Variants in ATOSA observed in about 807,000 individuals in gnomAD.
ATOSA encodes the protein atos homolog protein A.
chr15:52,607,195 G>T, the ATOSA span, among the ~76,000 whole-genome samples: 4 of 152,082 alleles, frequency 2.6e-5, no homozygotes, highest in Non-Finnish European at 4.4e-5. Flanking sequence ...GCCAGGACTA[G>T]AACTCAGGTG....
At chr15:52,606,592 G>T in the ATOSA span, among the ~76,000 whole-genome samples, 1 of 152,032 alleles carries the variant, frequency 6.6e-6, no homozygotes, top group Non-Finnish European at 1.5e-5. Flanking sequence ...ACAGGTACAT[G>T]AAAAAAATGA....
chr15:52,584,664 TAG>T, the ATOSA span: 10 of 1,213,632 alleles, frequency 8.2e-6, no homozygotes, highest in Admixed American at 4.8e-5. Flanking sequence ...CTGGTCTAGT[TAG>T]AGTCACAGTT....
chr15:52,703,809 T>G, the ATOSA span, among the ~76,000 whole-genome samples: 6 of 152,126 alleles, frequency 3.9e-5, no homozygotes, highest in African/African-American at 1.4e-4. Context: ...ACCTTCACGT[T>G]GTGTACATGT....
chr15:52,617,155 T>C, the ATOSA span, among the ~76,000 whole-genome samples: 1 of 152,172 alleles, frequency 6.6e-6, no homozygotes, highest in Non-Finnish European at 1.5e-5. Flanking sequence ...TTTTAGGAGG[T>C]AATTATAGTT....
the ATOSA span, chr15:52,678,314 T>C: frequency 3.4e-6 from 2 of 581,580 alleles, no homozygotes; most frequent in Non-Finnish European, 6.1e-6. Context: ...TCCCTGCCTC[T>C]GTGCTCTCCA....
At chr15:52,613,900 C>T in the ATOSA span, 2 of 1,537,808 alleles carry the variant, frequency 1.3e-6, no homozygotes, top group Non-Finnish European at 1.8e-6. Flanking sequence ...TTAATGTACT[C>T]TTAGTAAGAA....
chr15:52,611,589 C>T, the ATOSA span: 1 of 1,613,870 alleles, frequency 6.2e-7, no homozygotes, highest in African/African-American at 1.3e-5. Context: ...GAGGAACTGG[C>T]TCCAAGATCC....
chr15:52,600,309 C>CAAG, the ATOSA span: 3 of 870,188 alleles, frequency 3.4e-6, no homozygotes, highest in Non-Finnish European at 5.5e-6. Context: ...GACAGGGTCT[C>CAAG]ACTCTGTCAC....
chr15:52,687,894 G>A, the ATOSA span, among the ~76,000 whole-genome samples: 3 of 152,208 alleles, frequency 2.0e-5, no homozygotes, highest in Admixed American at 2.0e-4. Flanking sequence ...GAATGAGGCT[G>A]AAGGGACAGC....
the ATOSA span, among the ~76,000 whole-genome samples, chr15:52,616,072 C>A: frequency 6.6e-6 from 1 of 152,198 alleles, no homozygotes; most frequent in Non-Finnish European, 1.5e-5. Flanking sequence ...ATGGATCATA[C>A]ACTTTAAACA....
the ATOSA span, chr15:52,656,002 T>C: frequency 6.6e-6 from 1 of 152,148 alleles, no homozygotes. Flanking sequence ...TGTGACCATA[T>C]GTCTGCATAC....
At chr15:52,613,184 G>GGTCTCT in the ATOSA span, among the ~76,000 whole-genome samples, 4 of 152,108 alleles carry the variant, frequency 2.6e-5, no homozygotes, top group African/African-American at 9.7e-5. Flanking sequence ...TGGCCAATAT[G>GGTCTCT]ACAAAACACC....
the ATOSA span, among the ~76,000 whole-genome samples, chr15:52,708,676 G>T: frequency 6.6e-5 from 10 of 151,764 alleles, no homozygotes; most frequent in South Asian, 2.1e-3. Context: ...TTAAAATTGG[G>T]TACTTTTTTT....
chr15:52,602,239 A>G, the ATOSA span, among the ~76,000 whole-genome samples: 1 of 152,270 alleles, frequency 6.6e-6, no homozygotes, highest in South Asian at 2.1e-4. Context: ...GTGTGTATAC[A>G]CTTCATGCAT....
the ATOSA span, chr15:52,651,953 T>C: frequency 1.3e-6 from 2 of 1,534,890 alleles, no homozygotes; most frequent in Admixed American, 2.0e-5. Context: ...TATCAATAGC[T>C]ATACTATCAG....
At chr15:52,634,189 T>C in the ATOSA span, among the ~76,000 whole-genome samples, 10 of 152,012 alleles carry the variant, frequency 6.6e-5, no homozygotes, top group African/African-American at 2.4e-4. Context: ...TCCCAGCACT[T>C]TGGGAGGCCA....
At chr15:52,655,740 C>T in the ATOSA span, among the ~76,000 whole-genome samples, 3 of 152,056 alleles carry the variant, frequency 2.0e-5, no homozygotes, top group Admixed American at 6.6e-5. Flanking sequence ...AGTGTAAACA[C>T]GCTTGTACAA....
chr15:52,649,974 A>C, the ATOSA span: 1 of 152,218 alleles, frequency 6.6e-6, no homozygotes, highest in Non-Finnish European at 1.5e-5. Flanking sequence ...CTTTTGCAGC[A>C]TATGAATGAG....
At chr15:52,616,012 T>G in the ATOSA span, among the ~76,000 whole-genome samples, 2 of 152,234 alleles carry the variant, frequency 1.3e-5, no homozygotes, top group Admixed American at 1.3e-4. Context: ...TCTAGTACTA[T>G]TCCCAGTCAA....
Sources: allele counts gnomAD v4.1 joint callset (sites outside exome capture counted in the v4.1 genomes callset), GRCh38; gene constraint gnomAD v4.1.1; transcripts MANE v1.5; gene names NCBI Gene and HGNC (gene_info 2026-07-23, HGNC 2026-07-21).